FREM3: variants seen among roughly 807,000 people sequenced by gnomAD.
FREM3 encodes the protein FRAS1-related extracellular matrix protein 3.
Under a neutral mutation model 129.1 loss-of-function variants are expected in FREM3, and 105 were observed. The ratio of observed to expected loss-of-function variants is 0.81; its 90% CI spans 0.69 to 0.96. The LOEUF (loss-of-function observed/expected upper bound fraction) is 0.96, where lower values mean the gene tolerates loss of function less well. FREM3 is among the 40% of genes least tolerant of loss of function. The pLI, the probability that FREM3 is intolerant of heterozygous loss-of-function variation, is 0.00. For synonymous variants in FREM3, 1,014 were observed against 1,044.9 expected (o/e 0.97, Z 0.57); for missense variants, 2,593 against 2,666.3 (o/e 0.97, Z 0.61).
In FREM3 at chr4:143,643,352, A is replaced by G. The variant is rs551734938; in HGVS notation, c.5276-15592T>C. 1.1e-3 allele frequency among the ~76,000 whole-genome samples: 167 copies of G among 152,282 alleles called. 5 individuals are homozygous for G. In the South Asian group the frequency reaches 0.032, roughly 29 times the overall value. ...TGCAACACTATTTACAATAGCCAAG[A>G]TATTGGATCAGTGTAAGTGTCCCAA... On this transcript the variant is annotated intron_variant, in intron 2 of 7. Coordinates refer to ENST00000329798, the MANE Select transcript of FREM3 (RefSeq NM_001168235.2).
chr4:143,618,455 G>T (rs1255446961), intron 5 of FREM3, among the ~76,000 whole-genome samples: 1 of 151,954 alleles, frequency 6.6e-6, no homozygotes, highest in Non-Finnish European at 1.5e-5. Context: ...GCCCTTCCTG[G>T]AACACTAAGC....
intron 2 of FREM3, among the ~76,000 whole-genome samples, chr4:143,644,075 T>C (rs1435147055): frequency 6.6e-6 from 1 of 152,212 alleles, no homozygotes; most frequent in East Asian, 1.9e-4. Flanking sequence ...TGTTATACGA[T>C]GATCAGGAGC....
At chr4:143,677,457 C>T (rs964329516) in intron 2 of FREM3, among the ~76,000 whole-genome samples, 4 of 152,172 alleles carry the variant, frequency 2.6e-5, no homozygotes, top group African/African-American at 9.7e-5. Context: ...AAAACCTAGG[C>T]AATACCATTC....
intron 6 of FREM3, among the ~76,000 whole-genome samples, chr4:143,603,123 T>C (rs1048159652): frequency 6.6e-6 from 1 of 152,198 alleles, no homozygotes; most frequent in African/African-American, 2.4e-5. Flanking sequence ...TAATTTGTCA[T>C]TTTGGCACAT....
chr4:143,635,955 T>C (rs1739226418), intron 2 of FREM3, among the ~76,000 whole-genome samples: 1 of 152,120 alleles, frequency 6.6e-6, no homozygotes, highest in Non-Finnish European at 1.5e-5. Flanking sequence ...GACCTGACAC[T>C]GTTCACTCAC....
At chr4:143,619,109 TG>T (rs1045093000) in intron 5 of FREM3, among the ~76,000 whole-genome samples, 1 of 152,220 alleles carries the variant, frequency 6.6e-6, no homozygotes, top group Non-Finnish European at 1.5e-5. Context: ...GACCTTTAAC[TG>T]GGCCTGCTTG....
chr4:143,690,765 T>G (rs774766060), intron 2 of FREM3, among the ~76,000 whole-genome samples: 11 of 152,190 alleles, frequency 7.2e-5, no homozygotes, highest in Non-Finnish European at 1.0e-4. Context: ...AAAAAAATGT[T>G]TAAAGTGAGT....
intron 2 of FREM3, among the ~76,000 whole-genome samples, chr4:143,686,118 G>A (rs1740359679): frequency 6.6e-6 from 1 of 152,140 alleles, no homozygotes; most frequent in Non-Finnish European, 1.5e-5. Context: ...TTAGAGTAAA[G>A]GGGTGGAAAA....
At chr4:143,667,592 A>G (rs1445406680) in intron 2 of FREM3, among the ~76,000 whole-genome samples, 1 of 152,208 alleles carries the variant, frequency 6.6e-6, no homozygotes, top group East Asian at 1.9e-4. Flanking sequence ...CTTTGTTTTA[A>G]TCAGAGGAAG....
chr4:143,655,307 A>G (rs1578853066), intron 2 of FREM3, among the ~76,000 whole-genome samples: 1 of 152,214 alleles, frequency 6.6e-6, no homozygotes, highest in South Asian at 2.1e-4. Context: ...CTAAGTAATC[A>G]CAGAAAATGT....
In FREM3 at chr4:143,696,444, G is replaced by A; in HGVS notation, c.4232C>T (p.Thr1411Ile). The change falls in exon 1 of 8, where the codon ACA (threonine) becomes ATA (isoleucine). Residue 1411 changes from threonine to isoleucine, a missense_variant. Transcript: ENST00000329798. ...FDVTDGVNTL[T>I]DHYFYVTIGN... Reference sequence around the variant, plus strand: ...AATGGTGACATAGAAGTAGTGGTCTGTCAAAGTGTTAACCCCATCAGTAAC... The same window carrying A: ...AATGGTGACATAGAAGTAGTGGTCTATCAAAGTGTTAACCCCATCAGTAAC... 6.5e-7 allele frequency: 1 copy of A among 1,537,646 alleles called. No individual in the cohort carries two copies. Among genetic ancestry groups the A allele is most frequent in the Non-Finnish European group, 8.7e-7 (1 of 1,147,000 alleles).
rs1014545823 is a variant in FREM3 at position 143,652,442 on chromosome 4, G to T, written c.5276-24682C>A. Among the ~76,000 whole-genome samples, 15 of 39,694 alleles carry T rather than the reference G, an allele frequency of 3.8e-4. 3 individuals carry two copies. The highest frequency in any genetic ancestry group is 8.3e-4 in the African/African-American group (15 of 18,038). 26.0% of individuals were successfully genotyped at this position (39,694 alleles called of 152,430 possible). On this transcript the variant is annotated intron_variant, in intron 2 of 7. Transcript: ENST00000329798. ...CTCCCAAAGTGCTGGGATTACAGGC[G>T]TGAGCCACCGCGCCCGGCCCTTTTT...
intron 2 of FREM3, among the ~76,000 whole-genome samples, chr4:143,686,862 A>G (rs1299238137): frequency 6.6e-6 from 1 of 152,134 alleles, no homozygotes; most frequent in African/African-American, 2.4e-5. Flanking sequence ...CTAAACACCT[A>G]CATCAAAAAG....
At chr4:143,684,636 A>G (rs1459578255) in intron 2 of FREM3, among the ~76,000 whole-genome samples, 4 of 152,346 alleles carry the variant, frequency 2.6e-5, no homozygotes, top group African/African-American at 7.2e-5. Flanking sequence ...TTCATCAGCA[A>G]TGGGTCCAAA....
chr4:143,686,393 C>T lies in FREM3; in HGVS notation c.5275+6720G>A, dbSNP rs893252200. On this transcript the variant is annotated intron_variant, in intron 2 of 7. Coordinates refer to ENST00000329798, the MANE Select transcript of FREM3 (RefSeq NM_001168235.2). ...AATAATAGTGAAGGACTTCAATACT[C>T]CACTGATGGCAACAGACAGGTAATG... 2.0e-5 allele frequency among the ~76,000 whole-genome samples: 3 copies of T among 152,222 alleles called. No homozygotes were observed. In the South Asian group the frequency reaches 6.2e-4, roughly 32 times the overall value.
chr4:143,666,505 G>C (rs1739863321), intron 2 of FREM3, among the ~76,000 whole-genome samples: 3 of 152,046 alleles, frequency 2.0e-5, no homozygotes. Context: ...ATAGATGAGT[G>C]GATAGACAAA....
chr4:143,660,296 A>C (rs1303903913), intron 2 of FREM3, among the ~76,000 whole-genome samples: 4 of 152,068 alleles, frequency 2.6e-5, no homozygotes, highest in Admixed American at 6.5e-5. Context: ...TCAGCTTTCT[A>C]CATATGGCTA....
Position 143,699,114 on chromosome 4 carries a change from A to C in FREM3, c.1562T>G (p.Met521Arg). 6.5e-7 allele frequency: 1 copy of C among 1,537,418 alleles called. No homozygotes were observed. Among genetic ancestry groups the C allele is most frequent in the Non-Finnish European group, 8.7e-7 (1 of 1,146,962 alleles). Reference sequence around the variant, plus strand: ...GTCCACTTGGTGGTGCCCGTCCTCCATCCGGAAGATGATATTGTCACTGTA... The same window carrying C: ...GTCCACTTGGTGGTGCCCGTCCTCCCTCCGGAAGATGATATTGTCACTGTA... Reference protein sequence around the residue: ...NTYSDNIIFRMEDGHHQVDFL... With the variant: ...NTYSDNIIFRREDGHHQVDFL... Residue 521 changes from methionine (M) to arginine (R), a missense_variant, in exon 1 of 8, where the codon ATG (methionine) becomes AGG (arginine). Around this residue, in one of 2 missense-constraint regions of FREM3, gnomAD observed 2,276 missense variants for 2,267.2 expected, o/e 1.00. Coordinates refer to ENST00000329798, the MANE Select transcript of FREM3 (RefSeq NM_001168235.2). This position sits in a 1 kb window ranked among gnomAD's most constrained non-coding sequence, Gnocchi z 4.2.
At chr4:143,651,475 T>C (rs1739508411) in intron 2 of FREM3, among the ~76,000 whole-genome samples, 1 of 152,214 alleles carries the variant, frequency 6.6e-6, no homozygotes, top group Non-Finnish European at 1.5e-5. Context: ...AGCACTCCAG[T>C]GCCCTGGATG....
Sources: allele counts gnomAD v4.1 joint callset (sites outside exome capture counted in the v4.1 genomes callset), GRCh38; gene constraint gnomAD v4.1.1; regional missense constraint gnomAD v4.1.1; non-coding constraint Gnocchi (gnomAD v3.1); transcripts MANE v1.5; gene names NCBI Gene and HGNC (gene_info 2026-07-23, HGNC 2026-07-21).